DNAJB6: variants seen among roughly 807,000 people sequenced by gnomAD.
The protein encoded by DNAJB6 is dnaJ homolog subfamily B member 6.
A neutral mutation model predicts 42.7 loss-of-function variants in DNAJB6; 16 were observed. The ratio of observed to expected loss-of-function variants is 0.37; its 90% CI spans 0.25 to 0.57. The LOEUF (loss-of-function observed/expected upper bound fraction) is 0.57, where lower values mean the gene tolerates loss of function less well. Ranked by LOEUF, DNAJB6 falls within the 20% of genes least tolerant of loss-of-function variation. The probability of loss-of-function intolerance (pLI) is 0.74; values close to 1 mark genes in which losing one functional copy is unlikely to be tolerated. For synonymous variants in DNAJB6, 170 were observed against 163.5 expected, an observed-to-expected ratio of 1.04 and a Z score of -0.30; for missense variants, 347 against 416.8, an observed-to-expected ratio of 0.83 and a Z score of 1.46.
chr7:157,359,308 A>G (rs969920232), intron 2 of DNAJB6, among the ~76,000 whole-genome samples: 1 of 152,214 alleles, frequency 6.6e-6, no homozygotes, highest in African/African-American at 2.4e-5. Flanking sequence ...TGGAGTGTCT[A>G]TACTGCTAGA....
At chr7:157,341,205 A>C (rs147150946) in intron 1 of DNAJB6, among the ~76,000 whole-genome samples, 1 of 151,658 alleles carries the variant, frequency 6.6e-6, no homozygotes, top group East Asian at 1.9e-4. Context: ...GCTCACTGCA[A>C]CCTCTGCCGC....
intron 1 of DNAJB6, chr7:157,337,544 C>G (rs983367816): frequency 2.0e-5 from 3 of 152,246 alleles, no homozygotes; most frequent in Admixed American, 2.0e-4. Context: ...GGCTCCCGCA[C>G]TCGCGTCTGA....
chr7:157,359,959 G>A (rs1238751748), intron 2 of DNAJB6, among the ~76,000 whole-genome samples: 2 of 152,240 alleles, frequency 1.3e-5, no homozygotes, highest in Admixed American at 1.3e-4. Context: ...TTCCCACACT[G>A]TGAGGAAGCC....
At chr7:157,405,653 C>G (rs375825247) in intron 8 of DNAJB6, among the ~76,000 whole-genome samples, 5 of 152,226 alleles carry the variant, frequency 3.3e-5, no homozygotes, top group African/African-American at 9.6e-5. Context: ...CGTACAGTCT[C>G]CTGGGACCTT....
intron 4 of DNAJB6, among the ~76,000 whole-genome samples, 176 bp downstream of exon 4, chr7:157,366,737 C>G (rs111971501): frequency 6.7e-6 from 1 of 150,206 alleles, no homozygotes; most frequent in African/African-American, 2.4e-5. Context: ...AAGTCTTTTA[C>G]GAGACTAGAA....
chr7:157,404,929 G>T (rs1420403886), intron 8 of DNAJB6, among the ~76,000 whole-genome samples: 3 of 152,214 alleles, frequency 2.0e-5, no homozygotes, highest in African/African-American at 7.2e-5. Flanking sequence ...GTGAGCCACT[G>T]TGCCAGCCTG....
chr7:157,353,586 G>GGTGTGTGTGTGTGTGTGTGTGTGTGT (rs370854040), intron 1 of DNAJB6, among the ~76,000 whole-genome samples: 2 of 140,036 alleles, frequency 1.4e-5, no homozygotes, highest in African/African-American at 5.5e-5. Context: ...TCTTGACCGG[G>GGTGTGTGTGTGTGTGTGTGTGTGTGT]GTGTGTGTGT....
chr7:157,353,630 T>C (rs1418255796), intron 1 of DNAJB6, among the ~76,000 whole-genome samples: 1 of 151,680 alleles, frequency 6.6e-6, no homozygotes, highest in Non-Finnish European at 1.5e-5. Flanking sequence ...TGTATGTATT[T>C]TTTTTTGTTT....
intron 8 of DNAJB6, among the ~76,000 whole-genome samples, chr7:157,399,631 AG>A (rs1010989087): frequency 2.0e-5 from 3 of 151,866 alleles, no homozygotes; most frequent in Non-Finnish European, 4.4e-5. Context: ...CCTGTTGCTA[AG>A]CTGCATGTGA....
intron 1 of DNAJB6, among the ~76,000 whole-genome samples, chr7:157,356,576 T>C (rs1225303687): frequency 6.6e-6 from 1 of 152,230 alleles, no homozygotes; most frequent in African/African-American, 2.4e-5. Context: ...ATGAAGTCCC[T>C]AATATTTTAT....
intron 1 of DNAJB6, among the ~76,000 whole-genome samples, chr7:157,358,284 G>A (rs777067017): frequency 2.0e-5 from 3 of 152,134 alleles, no homozygotes; most frequent in African/African-American, 4.8e-5. Context: ...AGAGTCACCT[G>A]TTGTTTAGTT....
At position 157,397,551 on chromosome 7, in the gene DNAJB6, C is replaced by T. The variant is rs371649954; in HGVS notation, c.691+11940C>T. Among the ~76,000 whole-genome samples the T allele has an allele frequency of 2.4e-4, 37 of 152,344 alleles. No individual in the cohort carries two copies. The South Asian group carries it at 7.5e-3, about 31-fold the overall frequency. ...AACAGGAGACTTTCCTCCTCATTGT[C>T]CTCAGCCTTCGCCCGTGCTCCGATT... On this transcript the variant is annotated intron_variant, in intron 8 of 9. Coordinates refer to ENST00000262177, the MANE Select transcript of DNAJB6 (RefSeq NM_058246.4).
chr7:157,353,116 C>T (rs1563114768), intron 1 of DNAJB6, among the ~76,000 whole-genome samples: 1 of 149,922 alleles, frequency 6.7e-6, no homozygotes, highest in African/African-American at 2.4e-5. Flanking sequence ...TTCGTAGAGA[C>T]AGGGTTTCGC....
intron 1 of DNAJB6, among the ~76,000 whole-genome samples, chr7:157,355,971 C>T (rs965614305): frequency 6.6e-6 from 1 of 152,234 alleles, no homozygotes; most frequent in Non-Finnish European, 1.5e-5. Flanking sequence ...CGGGAGGTGT[C>T]TTCCTCCCAT....
chr7:157,343,585 T>A (rs1563106989), intron 1 of DNAJB6, among the ~76,000 whole-genome samples: 1 of 152,124 alleles, frequency 6.6e-6, no homozygotes, highest in Non-Finnish European at 1.5e-5. Flanking sequence ...CTGCCTCACC[T>A]GGAACTACAG....
chr7:157,355,818 G>C (rs1481047613), intron 1 of DNAJB6, among the ~76,000 whole-genome samples: 1 of 152,210 alleles, frequency 6.6e-6, no homozygotes. Flanking sequence ...TGAATACCGA[G>C]TGCTGTTAGT....
At chr7:157,403,114 G>C (rs1229022059) in intron 8 of DNAJB6, among the ~76,000 whole-genome samples, 1 of 152,210 alleles carries the variant, frequency 6.6e-6, no homozygotes, top group South Asian at 2.1e-4. Flanking sequence ...ACAGCTGGAC[G>C]TGGGGTCGGG....
chr7:157,414,174 AGTT>A (rs1246355403), intron 9 of DNAJB6: 2 of 152,310 alleles, frequency 1.3e-5, no homozygotes, highest in African/African-American at 4.8e-5. Flanking sequence ...CAGTGGCAGC[AGTT>A]GCTTTAAAGG....
chr7:157,402,961 G>A (rs1445399578), intron 8 of DNAJB6, among the ~76,000 whole-genome samples: 5 of 152,174 alleles, frequency 3.3e-5, no homozygotes, highest in African/African-American at 4.8e-5. Flanking sequence ...TTATTTTGCC[G>A]AGGTTGAGGA....
Sources: allele counts gnomAD v4.1 joint callset (sites outside exome capture counted in the v4.1 genomes callset), GRCh38; gene constraint gnomAD v4.1.1; transcripts MANE v1.5; gene names NCBI Gene and HGNC (gene_info 2026-07-23, HGNC 2026-07-21).